RERG: variants seen among roughly 807,000 people sequenced by gnomAD.
RERG encodes ras-related and estrogen-regulated growth inhibitor.
RERG carries 25 observed loss-of-function variants against 23.2 expected under a neutral mutation model. The ratio of observed to expected loss-of-function variants is 1.08; its 90% CI spans 0.79 to 1.50. The LOEUF (loss-of-function observed/expected upper bound fraction) is 1.50, where lower values mean the gene tolerates loss of function less well. Among genes scored for constraint, RERG ranks in the 40% most tolerant of loss-of-function variants. The pLI is 0.00. For synonymous variants in RERG, 81 were observed against 89.1 expected (o/e 0.91, Z 0.51); for missense variants, 253 against 250.1 (o/e 1.01, Z -0.08).
intron 2 of RERG, among the ~76,000 whole-genome samples, chr12:15,135,237 T>A (rs1864123855): frequency 1.3e-5 from 2 of 152,196 alleles, no homozygotes; most frequent in African/African-American, 4.8e-5. Context: ...TGTTCATTGT[T>A]GATATATAGG....
chr12:15,178,230 T>G (rs1454893480), intron 2 of RERG, among the ~76,000 whole-genome samples: 1 of 152,180 alleles, frequency 6.6e-6, no homozygotes, highest in Non-Finnish European at 1.5e-5. Flanking sequence ...AATGGCTAAC[T>G]ATATTCTTCT....
intron 2 of RERG, among the ~76,000 whole-genome samples, chr12:15,216,081 G>A (rs962900266): frequency 1.1e-4 from 16 of 152,178 alleles, no homozygotes; most frequent in African/African-American, 3.9e-4. Flanking sequence ...AGCTCTTGCT[G>A]GCAGTGCACA....
At chr12:15,125,905 TA>T (rs1410406790) in intron 2 of RERG, among the ~76,000 whole-genome samples, 2 of 151,614 alleles carry the variant, frequency 1.3e-5, no homozygotes, top group Non-Finnish European at 2.9e-5. Context: ...AATATATGGA[TA>T]CGGATATGAA....
chr12:15,195,182 G>A (rs1057237428), intron 2 of RERG, among the ~76,000 whole-genome samples: 3 of 152,002 alleles, frequency 2.0e-5, no homozygotes, highest in Non-Finnish European at 4.4e-5. Flanking sequence ...TAGCCCACGA[G>A]ATATGATGGC....
intron 2 of RERG, among the ~76,000 whole-genome samples, chr12:15,133,905 T>C (rs1591641142): frequency 6.6e-6 from 1 of 152,170 alleles, no homozygotes; most frequent in African/African-American, 2.4e-5. Context: ...ATATCTTTTA[T>C]GGTGAGGTGT....
intron 2 of RERG, among the ~76,000 whole-genome samples, chr12:15,194,765 A>G (rs1213774393): frequency 6.6e-6 from 1 of 152,026 alleles, no homozygotes; most frequent in Admixed American, 6.6e-5. Flanking sequence ...TTGCTGCAGG[A>G]TGTTGGGCTG....
At chr12:15,137,545 C>G (rs999297565) in intron 2 of RERG, among the ~76,000 whole-genome samples, 1 of 151,268 alleles carries the variant, frequency 6.6e-6, no homozygotes, top group African/African-American at 2.4e-5. Context: ...GATTTTACTT[C>G]TTTTTTTACT....
intron 2 of RERG, among the ~76,000 whole-genome samples, chr12:15,200,864 CT>C (rs1865206138): frequency 6.6e-6 from 1 of 151,880 alleles, no homozygotes; most frequent in Admixed American, 6.6e-5. Flanking sequence ...TGTATCCTCC[CT>C]TTCCACTGAG....
chr12:15,212,393 A>C (rs1020718632), intron 2 of RERG, among the ~76,000 whole-genome samples: 2 of 152,260 alleles, frequency 1.3e-5, no homozygotes, highest in African/African-American at 4.8e-5. Context: ...TGAAAAGTCC[A>C]TTTTAGTCAC....
chr12:15,129,205 A>C (rs182369471), intron 2 of RERG, among the ~76,000 whole-genome samples: 123 of 152,158 alleles, frequency 8.1e-4, no homozygotes, highest in African/African-American at 2.8e-3. Flanking sequence ...GTCAAAGGAG[A>C]TGAAAAACTA....
At position 15,109,328 on chromosome 12, in the gene RERG, C is replaced by T. The variant is rs773360190; in HGVS notation, c.382G>A (p.Val128Ile). The change falls in exon 5 of 5, where the codon GTT becomes ATT. Residue 128 changes from valine to isoleucine, a missense_variant. By Grantham distance (29) the Val-to-Ile change is conservative. Coordinates refer to ENST00000256953, the MANE Select transcript of RERG (RefSeq NM_032918.3). ...NKADLDHSRQ[V>I]STEEGEKLAT... is the part of the protein sequence containing the mutation. ...AGCTTCTCTCCTTCTTCTGTGCTAACCTGCCTGGAGTGGTCCAAGTCAGCT... is the reference window on the plus strand; with the variant it reads ...AGCTTCTCTCCTTCTTCTGTGCTAATCTGCCTGGAGTGGTCCAAGTCAGCT... The T allele has an allele frequency of 4.3e-5, 70 of 1,613,978 alleles. No individual in the cohort carries two copies. The highest frequency in any genetic ancestry group is 1.7e-5 in the Admixed American group (1 of 59,976).
intron 2 of RERG, chr12:15,137,803 T>C: frequency 2.3e-6 from 1 of 428,016 alleles, no homozygotes; most frequent in Non-Finnish European, 4.6e-6. Context: ...AAATTAAGAG[T>C]AAGAAAAATT....
chr12:15,138,108 T>G (rs896250367), intron 2 of RERG: 2 of 252,008 alleles, frequency 7.9e-6, no homozygotes, highest in Non-Finnish European at 1.6e-5. Context: ...CTTGCTTGCA[T>G]AATTTCTGAG....
intron 3 of RERG, among the ~76,000 whole-genome samples, chr12:15,116,176 T>G (rs1863717969): frequency 6.6e-6 from 1 of 152,220 alleles, no homozygotes; most frequent in Non-Finnish European, 1.5e-5. Context: ...TTTTTCATCT[T>G]CAGTGCTGCA....
rs1234853699 is a variant in RERG at position 15,214,907 on chromosome 12, AGGTTTC to A, written c.61+2516_61+2521del. Among the ~76,000 whole-genome samples, 56 of 152,340 alleles carry A rather than the reference AGGTTTC, an allele frequency of 3.7e-4. No homozygotes were observed. The South Asian group carries it at 5.8e-3, about 16-fold the overall frequency. ...GTCGTTTTCACTGAACTATGGAAAA[AGGTTTC>A]ACAATTTTCACCCATGCATCAAACG... On this transcript the variant is annotated intron_variant, in intron 2 of 4. Coordinates refer to ENST00000256953, the MANE Select transcript of RERG (RefSeq NM_032918.3).
chr12:15,138,712 T>A (rs1864183987), intron 2 of RERG, among the ~76,000 whole-genome samples: 1 of 152,076 alleles, frequency 6.6e-6, no homozygotes, highest in African/African-American at 2.4e-5. Flanking sequence ...TAAGTCCTTT[T>A]GCACATATGT....
At chr12:15,147,785 T>C (rs748113619) in intron 2 of RERG, among the ~76,000 whole-genome samples, 24 of 152,204 alleles carry the variant, frequency 1.6e-4, no homozygotes, top group Non-Finnish European at 2.8e-4. Context: ...TGTATGTTTA[T>C]TTAAAATTCA....
At chr12:15,205,219 AT>A (rs911858403) in intron 2 of RERG, among the ~76,000 whole-genome samples, 9 of 151,994 alleles carry the variant, frequency 5.9e-5, no homozygotes, top group Non-Finnish European at 1.2e-4. Flanking sequence ...ACAAGAAAAA[AT>A]TTACATAGTT....
At chr12:15,149,900 A>T (rs1864408984) in intron 2 of RERG, among the ~76,000 whole-genome samples, 1 of 152,202 alleles carries the variant, frequency 6.6e-6, no homozygotes, top group Non-Finnish European at 1.5e-5. Context: ...GACATTACTA[A>T]TCGATCATGT....
Sources: allele counts gnomAD v4.1 joint callset (sites outside exome capture counted in the v4.1 genomes callset), GRCh38; gene constraint gnomAD v4.1.1; transcripts MANE v1.5; gene names NCBI Gene and HGNC (gene_info 2026-07-23, HGNC 2026-07-21).